Variants in XRRA1 observed in about 807,000 individuals in gnomAD.
XRRA1 encodes the protein X-ray radiation resistance associated 1, also known as X-ray radiation resistance-associated protein 1.
XRRA1 carries 69 observed loss-of-function variants against 80.2 expected under a neutral mutation model. That is an observed-to-expected ratio of 0.86 (90% CI 0.71 to 1.05). XRRA1 has a LOEUF of 1.05. XRRA1 is among the 50% of genes least tolerant of loss of function. The probability of loss-of-function intolerance (pLI) is 0.00; values close to 1 mark genes in which losing one functional copy is unlikely to be tolerated. For synonymous variants in XRRA1, 348 were observed against 389.9 expected (o/e 0.89, Z 1.27); for missense variants, 967 against 976.4 (o/e 0.99, Z 0.13).
At chr11:74,903,006 A>C (rs1207052416) in intron 10 of XRRA1, among the ~76,000 whole-genome samples, 1 of 152,230 alleles carries the variant, frequency 6.6e-6, no homozygotes, top group Non-Finnish European at 1.5e-5. Context: ...TAAATTAAAA[A>C]GTTTTTAAAG....
intron 10 of XRRA1, among the ~76,000 whole-genome samples, chr11:74,881,755 C>T (rs1229853319): frequency 6.6e-6 from 1 of 150,544 alleles, no homozygotes; most frequent in Non-Finnish European, 1.5e-5. Flanking sequence ...TTTATTTCTC[C>T]TTCACTTATG....
At chr11:74,868,722 C>G (rs1212156851) in intron 10 of XRRA1, among the ~76,000 whole-genome samples, 1 of 150,482 alleles carries the variant, frequency 6.6e-6, no homozygotes, top group African/African-American at 2.4e-5. Flanking sequence ...ACAAAACAGA[C>G]ATTAAACCAA....
At chr11:74,861,407 A>G (rs556625872) in intron 11 of XRRA1, among the ~76,000 whole-genome samples, 1 of 152,310 alleles carries the variant, frequency 6.6e-6, no homozygotes, top group South Asian at 2.1e-4. Context: ...TCATAGGAGC[A>G]CAAACCCTGT....
chr11:74,939,499 G>A (rs926632153), intron 3 of XRRA1, among the ~76,000 whole-genome samples: 1 of 152,192 alleles, frequency 6.6e-6, no homozygotes, highest in African/African-American at 2.4e-5. Context: ...CAGCTTTGGT[G>A]ATTGGGAGCA....
intron 8 of XRRA1, among the ~76,000 whole-genome samples, chr11:74,920,294 A>C (rs901705405): frequency 2.0e-5 from 3 of 152,208 alleles, no homozygotes; most frequent in African/African-American, 7.2e-5. Flanking sequence ...TGAAACCCCT[A>C]ATAAATGATC....
chr11:74,859,917 C>T (rs769214714), intron 11 of XRRA1, among the ~76,000 whole-genome samples: 6 of 151,952 alleles, frequency 3.9e-5, no homozygotes, highest in Admixed American at 6.6e-5. Context: ...ACAGGTTCAA[C>T]ATATTTGATC....
intron 2 of XRRA1, 125 bp from the exon 3 acceptor site, chr11:74,941,007 C>T: frequency 1.5e-6 from 1 of 650,542 alleles, no homozygotes; most frequent in Non-Finnish European, 2.7e-6. Context: ...GCCTCCGACA[C>T]CCTGGAGGCC....
At chr11:74,886,599 G>A (rs909268362) in intron 10 of XRRA1, among the ~76,000 whole-genome samples, 11 of 151,780 alleles carry the variant, frequency 7.2e-5, no homozygotes, top group Admixed American at 2.0e-4. Flanking sequence ...TTCCATGCCC[G>A]TGATAGGAGG....
At chr11:74,878,954 T>C (rs1337912011) in intron 10 of XRRA1, among the ~76,000 whole-genome samples, 1 of 151,664 alleles carries the variant, frequency 6.6e-6, no homozygotes, top group African/African-American at 2.4e-5. Flanking sequence ...TGGGTTCTTT[T>C]TTGGTTCCAT....
Position 74,906,247 on chromosome 11 carries a change from T to A in XRRA1, c.995A>T (p.Asp332Val). 1 of 1,613,702 alleles carries A rather than the reference T, an allele frequency of 6.2e-7. No individual in the cohort carries two copies. The highest frequency in any genetic ancestry group is 8.5e-7 in the Non-Finnish European group (1 of 1,179,760). Residue 332 changes from aspartate to valine, a missense_variant, in exon 10 of 19, where the codon GAC becomes GTC. Asp to Val is a radical substitution (Grantham distance 152). Transcript: ENST00000684022. Reference sequence around the variant, plus strand: ...CAAGGGGTGTCACTCACCTGTCCGGTCAACATCCTTTTTCATGGGCAGTAC... The same window carrying A: ...CAAGGGGTGTCACTCACCTGTCCGGACAACATCCTTTTTCATGGGCAGTAC... ...YTVLPMKKDV[D>V]RTEVVFSSYP...
chr11:74,943,134 C>T (rs927934833), intron 2 of XRRA1, among the ~76,000 whole-genome samples: 4 of 152,210 alleles, frequency 2.6e-5, no homozygotes, highest in Non-Finnish European at 5.9e-5. Context: ...CCTCTATCTG[C>T]TATGGGGTGG....
At chr11:74,854,610 T>C (rs2040638228) in intron 12 of XRRA1, among the ~76,000 whole-genome samples, 1 of 152,240 alleles carries the variant, frequency 6.6e-6, no homozygotes, top group Admixed American at 6.5e-5. Flanking sequence ...TTTGATTTTT[T>C]TCAATCATTA....
At chr11:74,853,003 C>T (rs1370458145) in intron 12 of XRRA1, among the ~76,000 whole-genome samples, 1 of 152,222 alleles carries the variant, frequency 6.6e-6, no homozygotes, top group Non-Finnish European at 1.5e-5. Context: ...TTTCCACTAA[C>T]TTCTTTCATT....
In XRRA1 at chr11:74,907,217, A is replaced by G; in HGVS notation, c.713T>C (p.Leu238Pro). Residue 238 changes from leucine (L) to proline (P), a missense_variant, in exon 9 of 19, where the codon CTG (leucine) becomes CCG (proline). Physicochemically the swap from Leu to Pro is moderately conservative, Grantham distance 98 (BLOSUM62 -3). Coordinates refer to ENST00000684022, the MANE Select transcript of XRRA1 (RefSeq NM_001378157.1). ...SKRYILRFPA[L>P]ETLMLDDNRL... Reference sequence around the variant, plus strand: ...GTTGTCATCCAGCATCAGTGTCTCCAGCGCTGGGAACCTCAGGATGTACCT... The same window carrying G: ...GTTGTCATCCAGCATCAGTGTCTCCGGCGCTGGGAACCTCAGGATGTACCT... The G allele has an allele frequency of 6.2e-7, 1 of 1,614,026 alleles. No individual in the cohort carries two copies. The highest frequency in any genetic ancestry group is 8.5e-7 in the Non-Finnish European group (1 of 1,179,878).
At chr11:74,877,008 C>T (rs1202698274) in intron 10 of XRRA1, 1 of 152,196 alleles carries the variant, frequency 6.6e-6, no homozygotes, top group African/African-American at 2.4e-5. Context: ...AAATTATCTA[C>T]TACACCACCC....
At chr11:74,918,325 T>TGTGC (rs764231241) in intron 8 of XRRA1, among the ~76,000 whole-genome samples, 1 of 151,214 alleles carries the variant, frequency 6.6e-6, no homozygotes, top group Non-Finnish European at 1.5e-5. Flanking sequence ...TGTGTGTGTG[T>TGTGC]GCACTCGCAT....
chr11:74,874,911 T>C (rs1258721129), intron 10 of XRRA1, among the ~76,000 whole-genome samples: 3 of 152,206 alleles, frequency 2.0e-5, no homozygotes, highest in Non-Finnish European at 4.4e-5. Context: ...ATATGCAATG[T>C]ACACTCTGAA....
chr11:74,942,876 A>C (rs1164284015), intron 2 of XRRA1, among the ~76,000 whole-genome samples: 5 of 152,248 alleles, frequency 3.3e-5, no homozygotes, highest in Admixed American at 3.3e-4. Flanking sequence ...CTAGACTGAG[A>C]GGAAGGAGAC....
In XRRA1 at chr11:74,847,273, T is replaced by C. The variant is rs376872057; in HGVS notation, c.1728+842A>G. On this transcript the variant is annotated intron_variant, in intron 15 of 18. Transcript: ENST00000684022. ...GGAGAGTTAGACCTCCATGAATGGA[T>C]AGATGTACATCCTGGAAAGATCTGG... Among the ~76,000 whole-genome samples, 14 of 152,294 alleles carry C rather than the reference T, an allele frequency of 9.2e-5. No individual in the cohort carries two copies. The East Asian group carries it at 2.7e-3, about 29-fold the overall frequency.
Sources: gnomAD v4.1 joint callset for allele counts (sites outside exome capture counted in the v4.1 genomes callset) on GRCh38, gnomAD v4.1.1 for gene constraint, MANE v1.5 for transcripts, NCBI Gene and HGNC (gene_info 2026-07-23, HGNC 2026-07-21) for gene names.